Variants in ZCCHC17 observed in about 807,000 individuals in gnomAD.
ZCCHC17 encodes the protein zinc finger CCHC domain-containing protein 17.
Under a neutral mutation model 30.6 loss-of-function variants are expected in ZCCHC17, and 18 were observed. The observed-to-expected ratio is 0.59, with a 90% CI of 0.41 to 0.87. The LOEUF (loss-of-function observed/expected upper bound fraction) is 0.87. ZCCHC17 is among the 40% of genes least tolerant of loss of function. ZCCHC17 has a pLI of 0.00. For missense variants in ZCCHC17, 263 were observed against 284.2 expected, an observed-to-expected ratio of 0.93 and a Z score of 0.54; for synonymous variants, 88 against 92.4, an observed-to-expected ratio of 0.95 and a Z score of 0.27.
chr1:31,297,073 C>A lies in ZCCHC17; in HGVS notation c.-58C>A. 4.6e-6 allele frequency: 2 copies of A among 436,704 alleles called. No individual in the cohort carries two copies. The highest frequency in any genetic ancestry group is 8.1e-6 in the Non-Finnish European group (2 of 246,558). 27.1% of individuals were successfully genotyped at this position (436,704 alleles called of 1,614,324 possible). A position where few individuals can be genotyped will look rare whatever the true frequency, so the allele number is the denominator to read the frequency against. ...CGACTCGGGGACCTGGAGCTGACGCCTAGTACGTATGAGGAAGAACGGGGT... is the reference window on the plus strand; with the variant it reads ...CGACTCGGGGACCTGGAGCTGACGCATAGTACGTATGAGGAAGAACGGGGT... On this transcript the variant is annotated splice_region_variant and 5_prime_UTR_variant, in exon 1 of 8. Coordinates refer to ENST00000344147, the MANE Select transcript of ZCCHC17 (RefSeq NM_016505.4).
intron 5 of ZCCHC17, among the ~76,000 whole-genome samples, chr1:31,341,043 A>G (rs914278648): frequency 2.0e-5 from 3 of 152,190 alleles, no homozygotes; most frequent in South Asian, 2.1e-4. Flanking sequence ...GTGCCTGGTG[A>G]TAAGTAACTT....
At chr1:31,312,361 G>A (rs1367608590) in intron 2 of ZCCHC17, among the ~76,000 whole-genome samples, 1 of 152,144 alleles carries the variant, frequency 6.6e-6, no homozygotes, top group Non-Finnish European at 1.5e-5. Flanking sequence ...GTATATCTCA[G>A]TCTTAGGTGG....
Position 31,334,083 on chromosome 1 carries a change from G to T in ZCCHC17, c.125-3092G>T, listed in dbSNP as rs368463702. ...ATTTGCATGAATTTCACCAAATTTGGAGATTGTGTGTTGATCTAAAATTAA... is the reference window on the plus strand; with the variant it reads ...ATTTGCATGAATTTCACCAAATTTGTAGATTGTGTGTTGATCTAAAATTAA... On this transcript the variant is annotated intron_variant, in intron 3 of 7. Transcript: ENST00000344147. 1.2e-4 allele frequency among the ~76,000 whole-genome samples: 19 copies of T among 152,262 alleles called. No individual in the cohort carries two copies. The South Asian group carries it at 3.9e-3, about 32-fold the overall frequency.
chr1:31,332,160 C>G (rs1171914624), intron 3 of ZCCHC17, among the ~76,000 whole-genome samples: 1 of 152,126 alleles, frequency 6.6e-6, no homozygotes, highest in Non-Finnish European at 1.5e-5. Context: ...TGGTGTGTGT[C>G]TCTCTCTGAA....
intron 3 of ZCCHC17, among the ~76,000 whole-genome samples, chr1:31,323,278 T>C (rs201668306): frequency 3.3e-5 from 5 of 152,280 alleles, no homozygotes; most frequent in Non-Finnish European, 5.9e-5. Context: ...AATGTCACCA[T>C]TGGAGAAAAC....
chr1:31,314,024 C>T (rs10914352), intron 2 of ZCCHC17, among the ~76,000 whole-genome samples: 82,553 of 151,890 alleles, frequency 0.54, 23,336 homozygotes, highest in Non-Finnish European at 0.62. Flanking sequence ...CCACCACGCC[C>T]GGCTAATTTT....
chr1:31,300,600 C>A lies in ZCCHC17; in HGVS notation c.-56+3525C>A, dbSNP rs936878155. Among the ~76,000 whole-genome samples the A allele has an allele frequency of 3.9e-5, 6 of 152,006 alleles. No individual in the cohort carries two copies. In the East Asian group the frequency reaches 1.2e-3, roughly 29 times the overall value. On this transcript the variant is annotated intron_variant, in intron 1 of 7. Coordinates refer to ENST00000344147, the MANE Select transcript of ZCCHC17 (RefSeq NM_016505.4). ...GTTGGAATGATGATATCTGATATCC[C>A]TATCAGATTAGGAGGTCTTTGAGAA...
chr1:31,346,929 T>C (rs1639296365), intron 6 of ZCCHC17, 189 bp downstream of exon 6: 3 of 1,296,282 alleles, frequency 2.3e-6, no homozygotes, highest in East Asian at 2.5e-5. Flanking sequence ...CTTTTCTGAG[T>C]GCTGGCCCTA....
intron 3 of ZCCHC17, among the ~76,000 whole-genome samples, chr1:31,336,061 T>C (rs1294917014): frequency 6.6e-6 from 1 of 152,132 alleles, no homozygotes; most frequent in African/African-American, 2.4e-5. Context: ...TATGTATTTA[T>C]GTATGTATGT....
chr1:31,302,166 T>C (rs1646328599), intron 1 of ZCCHC17, among the ~76,000 whole-genome samples: 1 of 152,102 alleles, frequency 6.6e-6, no homozygotes. Flanking sequence ...AAGTGGAGGT[T>C]GCAGTGAGTC....
chr1:31,324,068 A>G (rs1386600116), intron 3 of ZCCHC17, among the ~76,000 whole-genome samples: 2 of 152,244 alleles, frequency 1.3e-5, no homozygotes, highest in Non-Finnish European at 2.9e-5. Context: ...TACCTGACTG[A>G]TAACAGTTGT....
intron 1 of ZCCHC17, among the ~76,000 whole-genome samples, chr1:31,300,803 G>A (rs1264453579): frequency 6.6e-6 from 1 of 152,078 alleles, no homozygotes; most frequent in Non-Finnish European, 1.5e-5. Flanking sequence ...GGGCATGGTG[G>A]TGTGTGCCTG....
chr1:31,335,886 G>A (rs143706323), intron 3 of ZCCHC17, among the ~76,000 whole-genome samples: 6 of 151,778 alleles, frequency 4.0e-5, no homozygotes, highest in South Asian at 4.2e-4. Context: ...TTAACTTAAC[G>A]TCTATCATAA....
At chr1:31,316,905 A>G (rs570859792) in intron 2 of ZCCHC17, among the ~76,000 whole-genome samples, 1 of 152,256 alleles carries the variant, frequency 6.6e-6, no homozygotes, top group Non-Finnish European at 1.5e-5. Context: ...AAAAAATGAG[A>G]ATGAAAGTTT....
At chr1:31,327,766 A>G (rs1406138407) in intron 3 of ZCCHC17, among the ~76,000 whole-genome samples, 1 of 152,228 alleles carries the variant, frequency 6.6e-6, no homozygotes, top group African/African-American at 2.4e-5. Context: ...GAGAGAAGCC[A>G]TAAAGGGCTT....
At chr1:31,341,704 G>T (rs1639053765) in intron 5 of ZCCHC17, among the ~76,000 whole-genome samples, 1 of 152,176 alleles carries the variant, frequency 6.6e-6, no homozygotes, top group Non-Finnish European at 1.5e-5. Flanking sequence ...ATATGACTTT[G>T]AGCAGATTAA....
At chr1:31,298,179 T>C (rs192195641) in intron 1 of ZCCHC17, among the ~76,000 whole-genome samples, 3 of 152,190 alleles carry the variant, frequency 2.0e-5, no homozygotes, top group African/African-American at 2.4e-5. Context: ...CTGCAGAGAA[T>C]TGGACAGATT....
chr1:31,355,823 A>G (rs888719745), intron 7 of ZCCHC17, among the ~76,000 whole-genome samples: 2 of 152,208 alleles, frequency 1.3e-5, no homozygotes, highest in Admixed American at 6.5e-5. Flanking sequence ...GTAAATCAAG[A>G]TTCCAGCCCT....
At chr1:31,349,097 A>G in intron 7 of ZCCHC17, 123 bp downstream of exon 7, 1 of 1,204,012 alleles carries the variant, frequency 8.3e-7, no homozygotes. Flanking sequence ...AGGTGGGAGG[A>G]TTGCTCGAGG....
Sources: gnomAD v4.1 joint callset for allele counts (sites outside exome capture counted in the v4.1 genomes callset) on GRCh38, gnomAD v4.1.1 for gene constraint, MANE v1.5 for transcripts, NCBI Gene and HGNC (gene_info 2026-07-23, HGNC 2026-07-21) for gene names.